The following DPP6 variants were observed in gnomAD, a reference collection of about 807,000 sequenced individuals.
DPP6 encodes the protein dipeptidyl peptidase like 6.
In DPP6, 69 loss-of-function variants were observed where a neutral mutation model predicts 122.6. The ratio of observed to expected loss-of-function variants is 0.56; its 90% confidence interval spans 0.46 to 0.69. The LOEUF is 0.69. Ranked by LOEUF, DPP6 falls within the 30% of genes least tolerant of loss-of-function variation. The pLI is 0.00. For missense variants in DPP6, 928 were observed against 1,116.9 expected, an observed-to-expected ratio of 0.83 and a Z score of 2.41; for synonymous variants, 418 against 433.1, an observed-to-expected ratio of 0.97 and a Z score of 0.43.
At chr7:154,792,845 A>C (rs1309836285) in intron 10 of DPP6, among the ~76,000 whole-genome samples, 2 of 152,234 alleles carry the variant, frequency 1.3e-5, no homozygotes, top group Non-Finnish European at 1.5e-5. Context: ...CCATGACCAC[A>C]GTGGGCAGCT....
chr7:154,142,047 T>C (rs1226038420), intron 1 of DPP6, among the ~76,000 whole-genome samples: 1 of 152,172 alleles, frequency 6.6e-6, no homozygotes, highest in East Asian at 1.9e-4. Context: ...TAATTAGGCA[T>C]CCCCTATTCA....
the DPP6 span, among the ~76,000 whole-genome samples, chr7:153,842,356 ACAATAAT>A: frequency 2.6e-5 from 4 of 152,322 alleles, 1 homozygote; most frequent in African/African-American, 9.6e-5. Context: ...CATTTTGACT[ACAATAAT>A]CAATAATTAA....
chr7:154,175,828 C>T (rs1797773869), intron 1 of DPP6, among the ~76,000 whole-genome samples: 1 of 148,226 alleles, frequency 6.7e-6, no homozygotes, highest in Non-Finnish European at 1.5e-5. Flanking sequence ...GCTGGGATTA[C>T]AGGTGTCCAT....
At chr7:154,866,301 G>C (rs114307297) in intron 17 of DPP6, among the ~76,000 whole-genome samples, 2,288 of 152,362 alleles carry the variant, frequency 0.015, 65 homozygotes, top group African/African-American at 0.051. Flanking sequence ...TCTCACCTGA[G>C]TGTGTGCCTG....
intron 1 of DPP6, among the ~76,000 whole-genome samples, chr7:154,315,713 G>A (rs569000845): frequency 6.6e-6 from 1 of 152,172 alleles, no homozygotes; most frequent in Middle Eastern, 3.4e-3. Context: ...TCCCAGAAGT[G>A]GTAGGTAATG....
chr7:154,609,336 C>G (rs143179707), intron 5 of DPP6, among the ~76,000 whole-genome samples: 23 of 152,318 alleles, frequency 1.5e-4, no homozygotes, highest in Middle Eastern at 6.8e-3. Context: ...CTGAGACTTT[C>G]TTACACATTT....
rs1805156690 is a variant in DPP6, at chr7:154,879,373, G to GTTCA, written c.2079-1515_2079-1514insTTCA. ...AGGCGGGCGGATCACGAGGTCAGGA[G>GTTCA]ATCGAGACCATCCTGGCTAACACGG... On this transcript the variant is annotated intron_variant, in intron 20 of 25. Transcript: ENST00000377770. 7.1e-5 allele frequency among the ~76,000 whole-genome samples: 8 copies of GTTCA among 112,094 alleles called. 1 individual carries two copies. Among genetic ancestry groups the GTTCA allele is most frequent in the Middle Eastern group, 4.5e-3 (1 of 220 alleles). The allele number at this position is 112,094 out of a possible 152,430, so 73.5% of individuals were successfully genotyped here.
upstream of DPP6, among the ~76,000 whole-genome samples, chr7:153,885,877 A>G (rs1235211597): frequency 6.6e-6 from 1 of 152,166 alleles, no homozygotes; most frequent in Non-Finnish European, 1.5e-5. Context: ...GAATATACAT[A>G]TATTAATACA....
intron 5 of DPP6, among the ~76,000 whole-genome samples, chr7:154,579,562 C>A (rs190159990): frequency 1.3e-5 from 2 of 152,156 alleles, no homozygotes; most frequent in African/African-American, 4.8e-5. Flanking sequence ...CCTGAATGAA[C>A]TAATTGTTTT....
chr7:154,559,395 TA>T (rs1167337738), intron 4 of DPP6, among the ~76,000 whole-genome samples: 2 of 144,242 alleles, frequency 1.4e-5, no homozygotes, highest in African/African-American at 5.1e-5. Context: ...TTGGACAGTA[TA>T]AAGTAGACTA....
intron 1 of DPP6, among the ~76,000 whole-genome samples, chr7:154,437,811 C>T (rs1229261614): frequency 6.6e-6 from 1 of 152,084 alleles, no homozygotes; most frequent in Non-Finnish European, 1.5e-5. Flanking sequence ...TGGTGGACGC[C>T]TGTAATCCGT....
chr7:154,798,181 C>T (rs1798155545), intron 12 of DPP6, among the ~76,000 whole-genome samples: 1 of 152,228 alleles, frequency 6.6e-6, no homozygotes, highest in South Asian at 2.1e-4. Context: ...TGCAGTTCTG[C>T]CCTCTGGATG....
At chr7:154,526,226 C>G (rs1210272576) in intron 3 of DPP6, among the ~76,000 whole-genome samples, 2 of 152,112 alleles carry the variant, frequency 1.3e-5, no homozygotes, top group Non-Finnish European at 2.9e-5. Flanking sequence ...TCTTCTTTAT[C>G]TTTAAGATAA....
chr7:153,844,655 A>G, the DPP6 span, among the ~76,000 whole-genome samples: 2 of 152,226 alleles, frequency 1.3e-5, no homozygotes, highest in Admixed American at 6.5e-5. Flanking sequence ...TACAAAACAA[A>G]TGGTGGGCCA....
intron 1 of DPP6, among the ~76,000 whole-genome samples, chr7:153,986,041 G>C (rs1223310060): frequency 1.3e-5 from 2 of 152,134 alleles, no homozygotes; most frequent in Non-Finnish European, 2.9e-5. Context: ...AAATGTCTTT[G>C]ATAAGATCAG....
chr7:154,782,112 G>C (rs939462901), intron 10 of DPP6, among the ~76,000 whole-genome samples: 32 of 152,164 alleles, frequency 2.1e-4, no homozygotes, highest in Non-Finnish European at 4.7e-4. Context: ...GCTGAAGTTA[G>C]TGGCTTGCCC....
intron 1 of DPP6, among the ~76,000 whole-genome samples, chr7:153,948,005 C>T (rs79161204): frequency 0.023 from 3,476 of 152,244 alleles, 149 homozygotes; most frequent in African/African-American, 0.079. Flanking sequence ...TTCCCCTTCT[C>T]ATAAAGACAC....
chr7:154,030,516 C>G (rs1458796931), intron 1 of DPP6, among the ~76,000 whole-genome samples: 1 of 152,112 alleles, frequency 6.6e-6, no homozygotes, highest in Non-Finnish European at 1.5e-5. Context: ...CTCGTGAGCT[C>G]CTGCATCATA....
intron 1 of DPP6, among the ~76,000 whole-genome samples, chr7:154,146,795 G>A (rs1413601289): frequency 6.6e-6 from 1 of 151,280 alleles, no homozygotes; most frequent in African/African-American, 2.5e-5. Flanking sequence ...GGGGAGTGGG[G>A]TGGAGGGAGC....
Sources: gnomAD v4.1 joint callset for allele counts (sites outside exome capture counted in the v4.1 genomes callset) on GRCh38, gnomAD v4.1.1 for gene constraint, MANE v1.5 for transcripts, NCBI Gene and HGNC (gene_info 2026-07-23, HGNC 2026-07-21) for gene names.